The following ITGB3BP variants were observed in gnomAD, a reference collection of about 807,000 sequenced individuals.
The protein encoded by ITGB3BP is integrin subunit beta 3 binding protein.
A neutral mutation model predicts 29.1 loss-of-function variants in ITGB3BP; 27 were observed. That is an observed-to-expected ratio of 0.93 (90% CI 0.68 to 1.28). The LOEUF is 1.28. ITGB3BP is among the 50% of genes most tolerant of loss of function. ITGB3BP has a pLI of 0.00. For missense variants in ITGB3BP, 192 were observed against 200.2 expected (o/e 0.96, Z 0.25); for synonymous variants, 61 against 61.4 (o/e 0.99, Z 0.03).
intron 1 of ITGB3BP, among the ~76,000 whole-genome samples, chr1:63,516,480 T>A (rs1646330474): frequency 6.6e-6 from 1 of 151,266 alleles, no homozygotes; most frequent in Non-Finnish European, 1.5e-5. Context: ...TCTCAGCATT[T>A]TAGGAGGCTA....
At chr1:63,521,787 A>T (rs1282282932) in intron 1 of ITGB3BP, among the ~76,000 whole-genome samples, 2 of 152,184 alleles carry the variant, frequency 1.3e-5, no homozygotes, top group Non-Finnish European at 2.9e-5. Flanking sequence ...GCCTCAAAAA[A>T]AGAAAAAAAA....
chr1:63,490,626 G>A (rs556700324), intron 2 of ITGB3BP, among the ~76,000 whole-genome samples: 22 of 152,220 alleles, frequency 1.4e-4, no homozygotes, highest in African/African-American at 4.8e-4. Flanking sequence ...CCTTAGGAAG[G>A]ATCACTGCTG....
chr1:63,509,976 T>C, intron 1 of ITGB3BP: 1 of 419,916 alleles, frequency 2.4e-6, no homozygotes, highest in Non-Finnish European at 4.3e-6. Flanking sequence ...GTGGATCACC[T>C]GACGTCAGGA....
chr1:63,490,168 A>C lies in ITGB3BP; in HGVS notation c.99T>G (p.Ser33=). The C allele has an allele frequency of 6.3e-7, 1 of 1,598,842 alleles. No individual in the cohort carries two copies. Among genetic ancestry groups the C allele is most frequent in the Admixed American group, 1.7e-5 (1 of 59,776 alleles). Residue 33 remains serine (S), a synonymous_variant, in exon 3 of 9, where the codon TCT becomes TCG. Coordinates refer to ENST00000271002, the MANE Select transcript of ITGB3BP (RefSeq NM_014288.5). ...TCATTTGACAAGTTCCAGTTGTTGG[A>C]GAATAAGTTATAACACTTTTCTTCC... ...ITRKKSVITY[S]PTTGTCQMSL...
chr1:63,529,045 A>G (rs1355595168), intron 2 of ITGB3BP: 3 of 152,198 alleles, frequency 2.0e-5, no homozygotes, highest in African/African-American at 7.2e-5. Flanking sequence ...TTGGAATCCT[A>G]AAACACATAT....
chr1:63,443,017 G>A (rs1175007000), intron 8 of ITGB3BP: 2 of 152,194 alleles, frequency 1.3e-5, no homozygotes, highest in Non-Finnish European at 2.9e-5. Flanking sequence ...TCTTATTCTA[G>A]CATTGTTTCA....
At chr1:63,492,938 G>A (rs915920331) in intron 2 of ITGB3BP, among the ~76,000 whole-genome samples, 22 of 150,862 alleles carry the variant, frequency 1.5e-4, no homozygotes, top group Middle Eastern at 3.2e-3. Flanking sequence ...ACAAAACCCC[G>A]TCTCCACAAA....
At chr1:63,447,956 T>G (rs892317551) in intron 7 of ITGB3BP, among the ~76,000 whole-genome samples, 2 of 151,490 alleles carry the variant, frequency 1.3e-5, no homozygotes, top group African/African-American at 4.9e-5. Flanking sequence ...TAGACTGGAT[T>G]AAGAAAATGT....
chr1:63,523,280 C>G, upstream of ITGB3BP: 1 of 1,018,970 alleles, frequency 9.8e-7, no homozygotes, highest in Non-Finnish European at 1.5e-6. Flanking sequence ...CGGAAACATC[C>G]TCCCCGCGAC....
intron 4 of ITGB3BP, among the ~76,000 whole-genome samples, chr1:63,466,594 AC>A (rs1272353866): frequency 6.6e-6 from 1 of 152,220 alleles, no homozygotes; most frequent in East Asian, 1.9e-4. Context: ...CTATTATACC[AC>A]ACAGCATGTT....
chr1:63,481,706 T>C (rs1645440436), intron 3 of ITGB3BP, among the ~76,000 whole-genome samples: 1 of 152,224 alleles, frequency 6.6e-6, no homozygotes, highest in East Asian at 1.9e-4. Context: ...TTTCAACAAA[T>C]TGTTAATACT....
intron 2 of ITGB3BP, among the ~76,000 whole-genome samples, chr1:63,503,118 T>G (rs1217744539): frequency 2.6e-5 from 4 of 152,194 alleles, no homozygotes; most frequent in African/African-American, 4.8e-5. Context: ...TGAACTAGTT[T>G]ACAGTCCCAC....
intron 4 of ITGB3BP, among the ~76,000 whole-genome samples, chr1:63,470,271 G>A (rs1557621801): frequency 6.6e-6 from 1 of 152,124 alleles, no homozygotes; most frequent in Non-Finnish European, 1.5e-5. Context: ...GCGCCACTGG[G>A]TTAGGGTCTC....
At chr1:63,526,659 T>G (rs752751972), upstream of ITGB3BP, among the ~76,000 whole-genome samples, 2 of 152,264 alleles carry the variant, frequency 1.3e-5, no homozygotes, top group Non-Finnish European at 2.9e-5. Context: ...TTTAAAGTCA[T>G]GTTTAATTTT....
At chr1:63,523,239 T>G, upstream of ITGB3BP, 9 of 1,464,370 alleles carry the variant, frequency 6.1e-6, no homozygotes, top group Non-Finnish European at 8.6e-6. Context: ...AAGCGCGCGC[T>G]GGACGTTGCG....
At chr1:63,455,397 T>C (rs534388575) in intron 4 of ITGB3BP, among the ~76,000 whole-genome samples, 2 of 151,982 alleles carry the variant, frequency 1.3e-5, no homozygotes, top group Non-Finnish European at 2.9e-5. Flanking sequence ...TTTGGAAAAA[T>C]GCTTCTAGTT....
At chr1:63,471,092 T>C (rs549945862) in intron 4 of ITGB3BP, among the ~76,000 whole-genome samples, 1 of 152,336 alleles carries the variant, frequency 6.6e-6, no homozygotes, top group African/African-American at 2.4e-5. Flanking sequence ...TTAAAGTCTT[T>C]TGCCCATTTT....
chr1:63,523,146 G>C lies in ITGB3BP; in HGVS notation c.-13C>G. On this transcript the variant is annotated 5_prime_UTR_variant, in exon 1 of 9. Transcript: ENST00000271002. ...ATACCTACGGCATTCTGAGATTCGG[G>C]AAAGCACCACTGCCGCTGAATAAAA... 1 of 1,614,088 alleles carries C rather than the reference G, an allele frequency of 6.2e-7. No homozygotes were observed. The highest frequency in any genetic ancestry group is 2.2e-5 in the East Asian group (1 of 44,886).
intron 2 of ITGB3BP, among the ~76,000 whole-genome samples, chr1:63,494,280 G>A (rs767799493): frequency 2.6e-5 from 4 of 151,958 alleles, no homozygotes; most frequent in Non-Finnish European, 4.4e-5. Context: ...CACCACGTCC[G>A]GCTAATTTGT....
Sources: gnomAD v4.1 joint callset for allele counts (sites outside exome capture counted in the v4.1 genomes callset) on GRCh38, gnomAD v4.1.1 for gene constraint, MANE v1.5 for transcripts, NCBI Gene and HGNC (gene_info 2026-07-23, HGNC 2026-07-21) for gene names.